The following PGCKA1 variants were observed in gnomAD, a reference collection of about 807,000 sequenced individuals.
PGCKA1 encodes PDCD10 and GCKIII kinases associated 1.
At chr4:37,466,825 C>T in the PGCKA1 span, among the ~76,000 whole-genome samples, 1 of 152,156 alleles carries the variant, frequency 6.6e-6, no homozygotes, top group Non-Finnish European at 1.5e-5. Flanking sequence ...AGGCCAAGCA[C>T]GCTGGCTTAT....
chr4:37,531,401 G>A, the PGCKA1 span, among the ~76,000 whole-genome samples: 8 of 152,150 alleles, frequency 5.3e-5, no homozygotes, highest in African/African-American at 1.9e-4. Flanking sequence ...TAGAGTCACT[G>A]TTAATTGGAG....
the PGCKA1 span, among the ~76,000 whole-genome samples, chr4:37,564,969 TAC>T: frequency 4.7e-5 from 7 of 150,226 alleles, no homozygotes; most frequent in South Asian, 2.1e-4. Context: ...CACACACACG[TAC>T]ACACACACAC....
chr4:37,505,947 C>T, the PGCKA1 span, among the ~76,000 whole-genome samples: 6 of 152,214 alleles, frequency 3.9e-5, no homozygotes, highest in African/African-American at 1.4e-4. Context: ...CTTTTTATTA[C>T]AACTTTGATC....
the PGCKA1 span, among the ~76,000 whole-genome samples, chr4:37,509,973 CCGTGGGAGAGGGAGAGGG>C: frequency 1.0e-5 from 1 of 99,260 alleles, no homozygotes; most frequent in African/African-American, 4.0e-5. Context: ...GAGCGGGAGA[CCGTGGGAGAGGGAGAGGG>C]AGGGGGAGGG....
chr4:37,572,048 C>CTTTTTTTTCTTTTTCTTTTTTTTT, the PGCKA1 span, among the ~76,000 whole-genome samples: 3 of 111,630 alleles, frequency 2.7e-5, no homozygotes, highest in Non-Finnish European at 5.5e-5. Context: ...AACTTCACAC[C>CTTTTTTTTCTTTTTCTTTTTTTTT]TTTTTTTTTT....
chr4:37,491,799 T>G, the PGCKA1 span, among the ~76,000 whole-genome samples: 1 of 152,142 alleles, frequency 6.6e-6, no homozygotes, highest in Non-Finnish European at 1.5e-5. Flanking sequence ...TTTCTAGATC[T>G]TCTAGAATTA....
At chr4:37,549,997 A>ATG in the PGCKA1 span, among the ~76,000 whole-genome samples, 1 of 152,218 alleles carries the variant, frequency 6.6e-6, no homozygotes, top group African/African-American at 2.4e-5. Flanking sequence ...TGTTCCTAGT[A>ATG]TATACATCAA....
chr4:37,589,859 T>C, the PGCKA1 span, among the ~76,000 whole-genome samples: 9 of 152,214 alleles, frequency 5.9e-5, no homozygotes, highest in African/African-American at 1.9e-4. Flanking sequence ...CTCGAACTCC[T>C]GACCTCAAGT....
At chr4:37,509,695 C>T in the PGCKA1 span, among the ~76,000 whole-genome samples, 5 of 151,578 alleles carry the variant, frequency 3.3e-5, no homozygotes, top group Admixed American at 1.3e-4. Context: ...GTGAACGAGA[C>T]TCCATCTGCA....
the PGCKA1 span, among the ~76,000 whole-genome samples, chr4:37,575,831 C>T: frequency 6.6e-6 from 1 of 152,082 alleles, no homozygotes; most frequent in Non-Finnish European, 1.5e-5. Flanking sequence ...ATCTAGTTTT[C>T]CCAGCACCAT....
the PGCKA1 span, among the ~76,000 whole-genome samples, chr4:37,545,277 A>T: frequency 6.6e-6 from 1 of 152,114 alleles, no homozygotes; most frequent in African/African-American, 2.4e-5. Context: ...TTTCCTGTGC[A>T]TGTGTTCACT....
chr4:37,538,531 A>T, the PGCKA1 span, among the ~76,000 whole-genome samples: 1 of 152,212 alleles, frequency 6.6e-6, no homozygotes, highest in African/African-American at 2.4e-5. Context: ...GAACATGATG[A>T]ACTTAACAGG....
chr4:37,540,589 A>C, the PGCKA1 span, among the ~76,000 whole-genome samples: 25 of 152,340 alleles, frequency 1.6e-4, no homozygotes, highest in African/African-American at 6.0e-4. Context: ...TTCCTTGTGC[A>C]AAGTAGTGGT....
At chr4:37,573,288 T>C in the PGCKA1 span, among the ~76,000 whole-genome samples, 1 of 152,264 alleles carries the variant, frequency 6.6e-6, no homozygotes. Flanking sequence ...GTGCTATGTA[T>C]TTTATCAACA....
At chr4:37,552,020 T>C in the PGCKA1 span, among the ~76,000 whole-genome samples, 6 of 152,238 alleles carry the variant, frequency 3.9e-5, no homozygotes, top group African/African-American at 1.4e-4. Context: ...TATTGTTTTA[T>C]ATTGTTTTAT....
At chr4:37,478,884 A>G in the PGCKA1 span, among the ~76,000 whole-genome samples, 1 of 152,216 alleles carries the variant, frequency 6.6e-6, no homozygotes, top group South Asian at 2.1e-4. Flanking sequence ...ATGTCCCGTA[A>G]ACATCTTGTC....
the PGCKA1 span, among the ~76,000 whole-genome samples, chr4:37,519,811 G>T: frequency 6.6e-6 from 1 of 152,104 alleles, no homozygotes; most frequent in Admixed American, 6.5e-5. Flanking sequence ...TGAGTAAGTG[G>T]TGAAAGTGGG....
the PGCKA1 span, among the ~76,000 whole-genome samples, chr4:37,541,992 C>T: frequency 6.6e-6 from 1 of 152,150 alleles, no homozygotes; most frequent in African/African-American, 2.4e-5. Context: ...TTCACTTACC[C>T]TCCCCTTAAT....
At chr4:37,495,665 C>A in the PGCKA1 span, among the ~76,000 whole-genome samples, 2 of 152,072 alleles carry the variant, frequency 1.3e-5, no homozygotes, top group Non-Finnish European at 1.5e-5. Flanking sequence ...ACAGTTAGAA[C>A]ACACGGACAC....
Sources: allele counts gnomAD v4.1 joint callset (sites outside exome capture counted in the v4.1 genomes callset), GRCh38; gene constraint gnomAD v4.1.1; transcripts MANE v1.5; gene names NCBI Gene and HGNC (gene_info 2026-07-23, HGNC 2026-07-21).